MTHFD1L: variants seen among roughly 807,000 people sequenced by gnomAD.
The protein encoded by MTHFD1L is monofunctional C1-tetrahydrofolate synthase, mitochondrial.
Under a neutral mutation model 119.5 loss-of-function variants are expected in MTHFD1L, and 81 were observed. The ratio of observed to expected loss-of-function variants is 0.68; its 90% CI spans 0.57 to 0.82. The LOEUF is 0.82. MTHFD1L is among the 40% of genes least tolerant of loss of function. MTHFD1L has a pLI of 0.00. For synonymous variants in MTHFD1L, 430 were observed against 475.2 expected, an observed-to-expected ratio of 0.90 and a Z score of 1.24; for missense variants, 1,125 against 1,253.4, an observed-to-expected ratio of 0.90 and a Z score of 1.55.
At chr6:150,947,189 C>T (rs1794115257) in intron 15 of MTHFD1L, among the ~76,000 whole-genome samples, 1 of 151,100 alleles carries the variant, frequency 6.6e-6, no homozygotes, top group Admixed American at 6.6e-5. Context: ...CCTCCGCCTC[C>T]TAGGTTCAAG....
intron 15 of MTHFD1L, among the ~76,000 whole-genome samples, chr6:150,947,908 A>C (rs1794250626): frequency 6.6e-6 from 1 of 152,114 alleles, no homozygotes; most frequent in Non-Finnish European, 1.5e-5. Context: ...ACAGTATCTT[A>C]CTCGTAGAAG....
intron 19 of MTHFD1L, among the ~76,000 whole-genome samples, chr6:150,967,426 C>T (rs1197603301): frequency 2.2e-5 from 1 of 44,450 alleles, no homozygotes; most frequent in African/African-American, 5.5e-5. Context: ...CCCCGTTCTC[C>T]TCCAGAATTA....
At chr6:150,891,567 T>TTA (rs919850826) in intron 7 of MTHFD1L, among the ~76,000 whole-genome samples, 4 of 148,312 alleles carry the variant, frequency 2.7e-5, no homozygotes, top group East Asian at 3.9e-4. Context: ...TATATAATCC[T>TTA]TATATATATA....
At chr6:150,905,213 T>A (rs1215504326) in intron 7 of MTHFD1L, among the ~76,000 whole-genome samples, 1 of 151,966 alleles carries the variant, frequency 6.6e-6, no homozygotes, top group Non-Finnish European at 1.5e-5. Flanking sequence ...TTTGTATTTT[T>A]AGTAGAGACA....
chr6:151,030,394 C>A (rs1307904241), intron 24 of MTHFD1L, among the ~76,000 whole-genome samples: 1 of 152,220 alleles, frequency 6.6e-6, no homozygotes, highest in African/African-American at 2.4e-5. Context: ...CCGGAGAACA[C>A]ACCCTTCTGG....
At chr6:150,898,105 A>G (rs187314792) in intron 7 of MTHFD1L, among the ~76,000 whole-genome samples, 142 of 152,284 alleles carry the variant, frequency 9.3e-4, no homozygotes, top group African/African-American at 3.3e-3. Flanking sequence ...CGGCCTCCCA[A>G]AGTGCAGGGA....
At chr6:150,869,807 GA>G (rs535011387) in intron 1 of MTHFD1L, among the ~76,000 whole-genome samples, 235 of 152,296 alleles carry the variant, frequency 1.5e-3, no homozygotes, top group African/African-American at 5.2e-3. Flanking sequence ...GTATTAGTCA[GA>G]AAAATTAAAG....
chr6:151,022,657 G>A (rs1784099345), intron 24 of MTHFD1L, among the ~76,000 whole-genome samples: 1 of 152,200 alleles, frequency 6.6e-6, no homozygotes, highest in Middle Eastern at 3.4e-3. Flanking sequence ...CCCCCTCAGG[G>A]CCTTTGACCT....
chr6:150,912,572 C>G (rs1373073240), intron 8 of MTHFD1L: 1 of 341,152 alleles, frequency 2.9e-6, no homozygotes, highest in African/African-American at 2.2e-5. Flanking sequence ...GCAAAGTTCC[C>G]AGGGTGGTCT....
intron 18 of MTHFD1L, 99 bp downstream of exon 18, chr6:150,960,514 G>A: frequency 7.0e-7 from 1 of 1,434,088 alleles, no homozygotes; most frequent in Non-Finnish European, 9.3e-7. Context: ...TGAGTGTAAT[G>A]AGGATACAGA....
In MTHFD1L at chr6:150,877,255, G is replaced by A. The variant is rs746596656; in HGVS notation, c.313-379G>A. 1.3e-4 allele frequency among the ~76,000 whole-genome samples: 20 copies of A among 152,118 alleles called. 1 individual carries two copies. The South Asian group carries it at 1.4e-3, about 11-fold the overall frequency. ...TTTTGTAGAGATGGGGTTTCACCAT[G>A]TTGCCCAGGCTGGTCTCGAACTCCT... On this transcript the variant is annotated intron_variant, in intron 2 of 27. Transcript: ENST00000367321.
intron 24 of MTHFD1L, among the ~76,000 whole-genome samples, chr6:151,028,735 C>T (rs1260448479): frequency 6.6e-6 from 1 of 152,112 alleles, no homozygotes; most frequent in East Asian, 1.9e-4. Flanking sequence ...TGCCCGACAC[C>T]ATAAATGGAC....
intron 20 of MTHFD1L, among the ~76,000 whole-genome samples, chr6:150,995,640 A>C (rs1362611904): frequency 6.6e-6 from 1 of 152,086 alleles, no homozygotes; most frequent in Non-Finnish European, 1.5e-5. Flanking sequence ...CCTTACATTA[A>C]ATTTTCCAAT....
intron 24 of MTHFD1L, among the ~76,000 whole-genome samples, chr6:151,017,338 C>G (rs1369955683): frequency 1.3e-5 from 2 of 151,482 alleles, no homozygotes; most frequent in Non-Finnish European, 2.9e-5. Flanking sequence ...TGTAGAGTGT[C>G]AGAATTTCCC....
intron 26 of MTHFD1L, among the ~76,000 whole-genome samples, chr6:151,043,661 G>T (rs1787496766): frequency 6.6e-6 from 1 of 152,164 alleles, no homozygotes; most frequent in Non-Finnish European, 1.5e-5. Context: ...CATTGACTTC[G>T]CATTGAGGCA....
chr6:151,069,228 G>A (rs73782707), intron 26 of MTHFD1L, among the ~76,000 whole-genome samples: 2,647 of 146,176 alleles, frequency 0.018, 74 homozygotes, highest in African/African-American at 0.063. Flanking sequence ...CAGTCATAAG[G>A]CCCAAAACTA....
At chr6:150,906,447 T>C (rs183564761) in intron 8 of MTHFD1L, among the ~76,000 whole-genome samples, 1 of 152,228 alleles carries the variant, frequency 6.6e-6, no homozygotes, top group East Asian at 1.9e-4. Context: ...GGGTTCCTTT[T>C]TCCAGTTCGT....
intron 26 of MTHFD1L, among the ~76,000 whole-genome samples, chr6:151,082,750 T>A (rs1053237912): frequency 6.6e-6 from 1 of 152,108 alleles, no homozygotes; most frequent in Non-Finnish European, 1.5e-5. Flanking sequence ...GACTCCATAA[T>A]ATATTGTTAT....
At chr6:150,969,617 C>T (rs1401520954) in intron 19 of MTHFD1L, among the ~76,000 whole-genome samples, 1 of 152,030 alleles carries the variant, frequency 6.6e-6, no homozygotes, top group East Asian at 1.9e-4. Context: ...ACAAGAACTC[C>T]TCAACCTAAA....
Sources: gnomAD v4.1 joint callset for allele counts (sites outside exome capture counted in the v4.1 genomes callset) on GRCh38, gnomAD v4.1.1 for gene constraint, MANE v1.5 for transcripts, NCBI Gene and HGNC (gene_info 2026-07-23, HGNC 2026-07-21) for gene names.